KLRG1: variants seen among roughly 807,000 people sequenced by gnomAD.
KLRG1 encodes the protein killer cell lectin-like receptor subfamily G member 1.
KLRG1 carries 16 observed loss-of-function variants against 21.8 expected under a neutral mutation model. That is an observed-to-expected ratio of 0.73 (90% CI 0.50 to 1.11). The LOEUF (loss-of-function observed/expected upper bound fraction) is 1.11, where lower values mean the gene tolerates loss of function less well. Ranked by LOEUF, KLRG1 falls within the 50% of genes most tolerant of loss-of-function variation. The pLI is 0.00. For synonymous variants in KLRG1, 69 were observed against 75.9 expected, an observed-to-expected ratio of 0.91 and a Z score of 0.47; for missense variants, 173 against 218.3, an observed-to-expected ratio of 0.79 and a Z score of 1.31.
At chr12:9,077,561 C>A in the KLRG1 span, 3 of 1,477,848 alleles carry the variant, frequency 2.0e-6, no homozygotes, top group Non-Finnish European at 1.8e-6. Flanking sequence ...AACTTTTGTT[C>A]TATCCCCTCT....
the KLRG1 span, chr12:9,208,425 G>A: frequency 9.5e-7 from 1 of 1,055,676 alleles, no homozygotes; most frequent in Admixed American, 1.8e-5. Flanking sequence ...CAGGCTTTAT[G>A]TGGCCACTAT....
chr12:9,107,710 A>G, the KLRG1 span: 1 of 1,578,040 alleles, frequency 6.3e-7, no homozygotes. Context: ...CTAGCTATTT[A>G]TATCTCCCCT....
the KLRG1 span, chr12:9,028,700 C>A: frequency 4.3e-6 from 2 of 469,466 alleles, 1 homozygote. Flanking sequence ...CCTTGGCCCC[C>A]CAAAGTGCTG....
chr12:9,151,875 G>A, the KLRG1 span, among the ~76,000 whole-genome samples: 8 of 152,282 alleles, frequency 5.3e-5, no homozygotes, highest in East Asian at 1.9e-4. Context: ...TTTAGTTCAC[G>A]TTGATTTTTT....
At chr12:9,066,268 C>G in the KLRG1 span, 1 of 152,464 alleles carries the variant, frequency 6.6e-6, no homozygotes, top group South Asian at 2.1e-4. Flanking sequence ...GAAGCCCAGA[C>G]CTGGGAGCTC....
intron 1 of KLRG1, among the ~76,000 whole-genome samples, chr12:8,968,287 A>T (rs2137244015): frequency 6.6e-6 from 1 of 151,894 alleles, no homozygotes; most frequent in South Asian, 2.1e-4. Context: ...ATACCATACA[A>T]AGAGAGTTGG....
At chr12:8,994,325 C>T (rs1947066422) in intron 2 of KLRG1, among the ~76,000 whole-genome samples, 1 of 152,134 alleles carries the variant, frequency 6.6e-6, no homozygotes, top group Non-Finnish European at 1.5e-5. Flanking sequence ...CTCGGCCTCC[C>T]AAAGTGCTGG....
At chr12:9,123,970 C>G in the KLRG1 span, among the ~76,000 whole-genome samples, 1 of 146,658 alleles carries the variant, frequency 6.8e-6, no homozygotes, top group East Asian at 1.9e-4. Flanking sequence ...AACCCATTTC[C>G]TATTTAGAAA....
the KLRG1 span, chr12:9,104,201 G>A: frequency 4.2e-5 from 67 of 1,590,672 alleles, no homozygotes; most frequent in Non-Finnish European, 5.6e-5. Flanking sequence ...TGTTTCCAAG[G>A]CTACTTCATG....
chr12:9,211,736 TG>T, the KLRG1 span, among the ~76,000 whole-genome samples: 2 of 152,230 alleles, frequency 1.3e-5, no homozygotes, highest in African/African-American at 4.8e-5. Flanking sequence ...CTTTATAGAC[TG>T]GTTTTACAGG....
chr12:9,144,193 G>A, the KLRG1 span, among the ~76,000 whole-genome samples: 1 of 152,190 alleles, frequency 6.6e-6, no homozygotes, highest in African/African-American at 2.4e-5. Flanking sequence ...GAGACAGAGA[G>A]AGACAGAGAG....
the KLRG1 span, chr12:9,079,220 C>T: frequency 6.3e-7 from 1 of 1,598,780 alleles, no homozygotes; most frequent in Non-Finnish European, 8.6e-7. Context: ...CAAAAAGAAG[C>T]TCAAAAAATT....
the KLRG1 span, among the ~76,000 whole-genome samples, chr12:9,060,153 C>A: frequency 6.6e-6 from 1 of 151,576 alleles, no homozygotes; most frequent in East Asian, 1.9e-4. Context: ...TACAGGTGCC[C>A]GCCACCACAT....
At chr12:9,163,613 T>G in the KLRG1 span, 1 of 1,589,346 alleles carries the variant, frequency 6.3e-7, no homozygotes, top group Admixed American at 1.7e-5. Context: ...GTCTCAAGAG[T>G]GACCGCCCGG....
chr12:9,090,348 T>C, the KLRG1 span: 2 of 1,613,994 alleles, frequency 1.2e-6, no homozygotes, highest in Non-Finnish European at 8.5e-7. Flanking sequence ...TAGCAGTTTT[T>C]TGCTCACCTA....
At chr12:8,964,522 A>G (rs1296031511) in intron 1 of KLRG1, among the ~76,000 whole-genome samples, 1 of 151,914 alleles carries the variant, frequency 6.6e-6, no homozygotes, top group Non-Finnish European at 1.5e-5. Flanking sequence ...GTTGATTTGG[A>G]GTGGAGAGTT....
the KLRG1 span, among the ~76,000 whole-genome samples, chr12:9,155,462 T>C: frequency 2.0e-5 from 3 of 151,422 alleles, no homozygotes; most frequent in African/African-American, 7.3e-5. Context: ...ATTAAAACTT[T>C]TGATTCTTGT....
chr12:9,130,414 C>G, the KLRG1 span, among the ~76,000 whole-genome samples: 1 of 151,886 alleles, frequency 6.6e-6, no homozygotes, highest in Non-Finnish European at 1.5e-5. Context: ...ATCCCACCAA[C>G]TGCGCACAAG....
the KLRG1 span, among the ~76,000 whole-genome samples, chr12:9,153,867 C>G: frequency 3.9e-5 from 6 of 152,168 alleles, no homozygotes; most frequent in Admixed American, 2.0e-4. Flanking sequence ...GCCAGACACT[C>G]TGGGTGTTTA....
Sources: allele counts gnomAD v4.1 joint callset (sites outside exome capture counted in the v4.1 genomes callset), GRCh38; gene constraint gnomAD v4.1.1; transcripts MANE v1.5; gene names NCBI Gene and HGNC (gene_info 2026-07-23, HGNC 2026-07-21).